DHRSX: variants seen among roughly 807,000 people sequenced by gnomAD.
DHRSX encodes the protein dehydrogenase/reductase X-linked.
A neutral mutation model predicts 34.0 loss-of-function variants in DHRSX; 31 were observed. The ratio of observed to expected loss-of-function variants is 0.91; its 90% CI spans 0.69 to 1.23. DHRSX has a LOEUF of 1.23. Ranked by LOEUF, DHRSX falls within the 50% of genes most tolerant of loss-of-function variation. DHRSX has a pLI of 0.00. For missense variants in DHRSX, 414 were observed against 428.1 expected (o/e 0.97, Z 0.29); for synonymous variants, 201 against 183.8 (o/e 1.09, Z -0.76).
chrX:2,309,034 T>A (rs2042133744), intron 3 of DHRSX, among the ~76,000 whole-genome samples: 1 of 152,208 alleles, frequency 6.6e-6, no homozygotes, highest in South Asian at 2.1e-4. Flanking sequence ...CTTAGTATCC[T>A]GATAATATGT....
chrX:2,489,262 G>A (rs200767154), intron 1 of DHRSX: 86 of 1,613,968 alleles, frequency 5.3e-5, no homozygotes, highest in Admixed American at 1.7e-4. Flanking sequence ...GCTCGAAGGC[G>A]GAGAGGAAGG....
rs190652134 is a variant in DHRSX, at chrX:2,411,975, G to T, written c.218-3162C>A. Among the ~76,000 whole-genome samples, 55 of 152,328 alleles carry T rather than the reference G, an allele frequency of 3.6e-4. No homozygotes were observed. The Middle Eastern group carries it at 0.014, about 38-fold the overall frequency. On this transcript the variant is annotated intron_variant, in intron 2 of 6. Transcript: ENST00000334651. ...GCACCACACTGGAGGAATGGAGAAGGTGAGGTGGCACGTGCGGTATCTTCT... is the reference window on the plus strand; with the variant it reads ...GCACCACACTGGAGGAATGGAGAAGTTGAGGTGGCACGTGCGGTATCTTCT...
chrX:2,244,772 C>T lies in DHRSX; in HGVS notation c.597-1542G>A, dbSNP rs750839772. On this transcript the variant is annotated intron_variant, in intron 5 of 6. Coordinates refer to ENST00000334651, the MANE Select transcript of DHRSX (RefSeq NM_145177.3). Reference sequence around the variant, plus strand: ...TGTCAACCCAGCTGGAGTACAGTGGCGTGATCTCGGCTCACTGCAAGCTCC... The same window carrying T: ...TGTCAACCCAGCTGGAGTACAGTGGTGTGATCTCGGCTCACTGCAAGCTCC... 5.3e-5 allele frequency among the ~76,000 whole-genome samples: 8 copies of T among 151,994 alleles called. No individual in the cohort carries two copies. The East Asian group carries it at 1.4e-3, about 26-fold the overall frequency.
At chrX:2,422,777 C>G (rs1369293116) in intron 2 of DHRSX, among the ~76,000 whole-genome samples, 3 of 151,390 alleles carry the variant, frequency 2.0e-5, no homozygotes, top group Non-Finnish European at 4.4e-5. Flanking sequence ...GACCCAGTAT[C>G]TCCAAAACAT....
Position 2,425,192 on chromosome X carries a change from A to T in DHRSX, c.217+5T>A. 2 of 1,603,154 alleles carry T rather than the reference A, an allele frequency of 1.2e-6. No individual in the cohort carries two copies. The highest frequency in any genetic ancestry group is 1.7e-6 in the Non-Finnish European group (2 of 1,174,740). Reference sequence around the variant, plus strand: ...AAAAACACAAGTAACTGTAAAAGTCATCACCTATGATAACATGCATGCCAA... The same window carrying T: ...AAAAACACAAGTAACTGTAAAAGTCTTCACCTATGATAACATGCATGCCAA... On this transcript the variant is annotated splice_donor_5th_base_variant and intron_variant, in intron 2 of 6. Transcript: ENST00000334651.
At chrX:2,246,694 AAAAG>A (rs2093297516) in intron 5 of DHRSX, among the ~76,000 whole-genome samples, 16 of 126,724 alleles carry the variant, frequency 1.3e-4, no homozygotes, top group African/African-American at 2.9e-4. Flanking sequence ...AAAAGAAAAG[AAAAG>A]AAAGAAAGAG....
intron 6 of DHRSX, among the ~76,000 whole-genome samples, chrX:2,226,710 G>T (rs2015670779): frequency 1.3e-5 from 2 of 151,010 alleles, no homozygotes; most frequent in Non-Finnish European, 3.0e-5. Context: ...CAGGAGAATG[G>T]CGTGAACCCG....
intron 4 of DHRSX, among the ~76,000 whole-genome samples, chrX:2,276,274 G>A (rs1051539620): frequency 2.0e-5 from 3 of 152,134 alleles, no homozygotes; most frequent in African/African-American, 2.4e-5. Flanking sequence ...GTTTCATTGC[G>A]AATTTTGTAA....
intron 3 of DHRSX, among the ~76,000 whole-genome samples, chrX:2,346,979 T>G (rs2042726696): frequency 6.6e-6 from 1 of 152,212 alleles, no homozygotes; most frequent in Admixed American, 6.5e-5. Flanking sequence ...GGACATGAAC[T>G]CATTCTTTTT....
At chrX:2,386,351 T>C (rs2043272414) in intron 3 of DHRSX, among the ~76,000 whole-genome samples, 1 of 152,094 alleles carries the variant, frequency 6.6e-6, no homozygotes, top group African/African-American at 2.4e-5. Flanking sequence ...CCCAAGTAGC[T>C]GGGATTACAG....
chrX:2,470,413 A>AG (rs887892364), intron 1 of DHRSX, among the ~76,000 whole-genome samples: 4 of 147,710 alleles, frequency 2.7e-5, no homozygotes, highest in African/African-American at 9.9e-5. Flanking sequence ...ATAAAAAAAA[A>AG]ACTGAAAAAA....
At chrX:2,319,705 T>C (rs1323425065) in intron 3 of DHRSX, among the ~76,000 whole-genome samples, 1 of 152,074 alleles carries the variant, frequency 6.6e-6, no homozygotes, top group African/African-American at 2.4e-5. Flanking sequence ...ATGTTATGAA[T>C]AAAGCTTCCG....
intron 2 of DHRSX, among the ~76,000 whole-genome samples, chrX:2,421,608 G>A (rs938903267): frequency 9.2e-5 from 14 of 152,194 alleles, no homozygotes; most frequent in African/African-American, 3.4e-4. Context: ...AAATTCAGGA[G>A]GTTAGCATCA....
At chrX:2,357,873 T>A (rs1466147102) in intron 3 of DHRSX, among the ~76,000 whole-genome samples, 1 of 151,882 alleles carries the variant, frequency 6.6e-6, no homozygotes, top group Non-Finnish European at 1.5e-5. Context: ...GGTTATGAAA[T>A]GGAAAATAGA....
rs187238290 is a variant in DHRSX at position 2,359,289 on chromosome X, A to G, written c.286+49456T>C. ...GAACATCAATCATTCTGTCATAAAGACACATGCACGTGTATGTTCGTGGCA... is the reference window on the plus strand; with the variant it reads ...GAACATCAATCATTCTGTCATAAAGGCACATGCACGTGTATGTTCGTGGCA... On this transcript the variant is annotated intron_variant, in intron 3 of 6. Transcript: ENST00000334651. 3.3e-5 allele frequency among the ~76,000 whole-genome samples: 5 copies of G among 152,344 alleles called. No individual in the cohort carries two copies. In the East Asian group the frequency reaches 9.6e-4, roughly 29 times the overall value.
chrX:2,399,702 T>C (rs1052116986), intron 3 of DHRSX, among the ~76,000 whole-genome samples: 2 of 124,832 alleles, frequency 1.6e-5, no homozygotes, highest in African/African-American at 6.5e-5. Context: ...CAAGACTCCG[T>C]CTCAAAACAA....
chrX:2,451,431 C>T (rs906259071), intron 1 of DHRSX, among the ~76,000 whole-genome samples: 5 of 152,042 alleles, frequency 3.3e-5, no homozygotes, highest in African/African-American at 9.7e-5. Flanking sequence ...TCCAGAAATC[C>T]GAAGATTCAG....
chrX:2,307,372 T>C (rs73628289), intron 3 of DHRSX, among the ~76,000 whole-genome samples: 12,816 of 152,068 alleles, frequency 0.084, 846 homozygotes, highest in African/African-American at 0.18. Context: ...TTGTTCACCG[T>C]TTGAGTGACA....
At chrX:2,386,461 CG>C (rs1354228231) in intron 3 of DHRSX, among the ~76,000 whole-genome samples, 1 of 152,120 alleles carries the variant, frequency 6.6e-6, no homozygotes, top group Non-Finnish European at 1.5e-5. Context: ...TCAGGTGACC[CG>C]CCCAACTCAG....
Sources: gnomAD v4.1 joint callset for allele counts (sites outside exome capture counted in the v4.1 genomes callset) on GRCh38, gnomAD v4.1.1 for gene constraint, MANE v1.5 for transcripts, NCBI Gene and HGNC (gene_info 2026-07-23, HGNC 2026-07-21) for gene names.